Variants in GRIA4 observed in about 807,000 individuals in gnomAD.
GRIA4 encodes glutamate receptor 4.
GRIA4 carries 34 observed loss-of-function variants against 104.0 expected under a neutral mutation model. The ratio of observed to expected loss-of-function variants is 0.33; its 90% confidence interval spans 0.25 to 0.44. GRIA4 has a LOEUF of 0.44. Ranked by LOEUF, GRIA4 falls within the 20% of genes least tolerant of loss-of-function variation. GRIA4 has a pLI of 1.00. For synonymous variants in GRIA4, 386 were observed against 381.9 expected (o/e 1.01, Z -0.13); for missense variants, 750 against 1,096.5 (o/e 0.68, Z 4.46).
intron 3 of GRIA4, among the ~76,000 whole-genome samples, chr11:105,633,398 T>C (rs968254714): frequency 3.9e-5 from 6 of 152,180 alleles, no homozygotes; most frequent in African/African-American, 4.8e-5. Flanking sequence ...GAGGGCAGAG[T>C]CTATATCTAT....
intron 16 of GRIA4, among the ~76,000 whole-genome samples, chr11:105,975,174 G>A (rs1452628799): frequency 6.6e-6 from 1 of 152,086 alleles, no homozygotes; most frequent in East Asian, 1.9e-4. Context: ...GTGATCATCA[G>A]AATTTTGACT....
At chr11:105,659,211 C>T (rs558355955) in intron 3 of GRIA4, among the ~76,000 whole-genome samples, 40 of 152,018 alleles carry the variant, frequency 2.6e-4, no homozygotes, top group East Asian at 2.3e-3. Context: ...TCCAGGTAAA[C>T]TTGTTCTTAT....
chr11:105,712,638 C>T (rs892618768), intron 3 of GRIA4, among the ~76,000 whole-genome samples: 1 of 151,746 alleles, frequency 6.6e-6, no homozygotes, highest in African/African-American at 2.4e-5. Context: ...TTCCTTGTTT[C>T]TTTTACCATG....
chr11:105,689,410 G>T (rs893434499), intron 3 of GRIA4, among the ~76,000 whole-genome samples: 14 of 152,162 alleles, frequency 9.2e-5, no homozygotes, highest in African/African-American at 3.4e-4. Flanking sequence ...ATGATGAGTT[G>T]TGTACGTTTT....
chr11:105,844,700 T>G (rs555306313), intron 4 of GRIA4, among the ~76,000 whole-genome samples: 1 of 152,178 alleles, frequency 6.6e-6, no homozygotes, highest in Non-Finnish European at 1.5e-5. Context: ...TATCTAGAAT[T>G]TTTTATTACC....
intron 4 of GRIA4, chr11:105,797,658 C>T (rs1457354105): frequency 3.3e-6 from 1 of 305,822 alleles, no homozygotes; most frequent in Non-Finnish European, 6.6e-6. Flanking sequence ...CTTAAATCAA[C>T]TTAATCGTGC....
intron 5 of GRIA4, among the ~76,000 whole-genome samples, chr11:105,870,752 T>G (rs1475641432): frequency 1.3e-5 from 2 of 152,110 alleles, no homozygotes; most frequent in African/African-American, 4.8e-5. Context: ...AGGCAGATTA[T>G]GAGTGGCCTC....
chr11:105,857,179 T>C (rs184131956), intron 4 of GRIA4, among the ~76,000 whole-genome samples: 27 of 152,210 alleles, frequency 1.8e-4, no homozygotes, highest in African/African-American at 6.5e-4. Context: ...CCAACCTAAA[T>C]GGTTATTAAA....
rs17104422 is a variant in GRIA4 at position 105,678,329 on chromosome 11, T to A, written c.247+65895T>A. 1.9e-3 allele frequency among the ~76,000 whole-genome samples: 292 copies of A among 152,170 alleles called. 4 individuals are homozygous for A. Among genetic ancestry groups the A allele is most frequent in the Admixed American group, 0.015 (231 of 15,242 alleles). ...CAATGTTTTCCTTCTCACTTAGAAC[T>A]ATAATGCTCCTTACCCATTATCTTC... On this transcript the variant is annotated intron_variant, in intron 3 of 16. Transcript: ENST00000282499.
chr11:105,921,244 C>A (rs1947549656), intron 11 of GRIA4, among the ~76,000 whole-genome samples: 1 of 152,054 alleles, frequency 6.6e-6, no homozygotes, highest in African/African-American at 2.4e-5. Flanking sequence ...CTAAAGCCAG[C>A]TCACCCTGAT....
rs1565345484 is a variant in GRIA4, at chr11:105,924,443, A to T, written c.1521A>T (p.Arg507=). 1.2e-6 allele frequency: 2 copies of T among 1,609,894 alleles called. No homozygotes were observed. The highest frequency in any genetic ancestry group is 4.5e-5 in the East Asian group (2 of 44,808). ...AIAPLTITLV[R]EEVIDFSKPF... ...CCCCTCTGACAATCACTTTGGTACGAGAGGAGGTCATTGACTTTTCTAAGC... is the reference window on the plus strand; with the variant it reads ...CCCCTCTGACAATCACTTTGGTACGTGAGGAGGTCATTGACTTTTCTAAGC... Residue 507 remains arginine (R), a synonymous_variant, in exon 12 of 17, where the codon CGA becomes CGT. Transcript: ENST00000282499.
chr11:105,825,793 G>A (rs1335861796), intron 4 of GRIA4, among the ~76,000 whole-genome samples: 1 of 151,974 alleles, frequency 6.6e-6, no homozygotes, highest in African/African-American at 2.4e-5. Context: ...TCTATTTGTG[G>A]CTCTTTTGAA....
chr11:105,814,773 C>T (rs140000437), intron 4 of GRIA4, among the ~76,000 whole-genome samples: 1 of 152,168 alleles, frequency 6.6e-6, no homozygotes, highest in African/African-American at 2.4e-5. Flanking sequence ...AGCATCTATT[C>T]TCTTACAATC....
chr11:105,690,365 T>G (rs1355342102), intron 3 of GRIA4, among the ~76,000 whole-genome samples: 1 of 152,192 alleles, frequency 6.6e-6, no homozygotes, highest in Non-Finnish European at 1.5e-5. Flanking sequence ...TTTAAGGAAT[T>G]GATAGTGTTT....
intron 5 of GRIA4, among the ~76,000 whole-genome samples, chr11:105,863,880 T>C (rs1455919361): frequency 1.3e-5 from 2 of 152,128 alleles, no homozygotes; most frequent in Non-Finnish European, 2.9e-5. Context: ...AAGAAGAAAA[T>C]TGGCACACCT....
intron 4 of GRIA4, among the ~76,000 whole-genome samples, chr11:105,795,190 G>A (rs1374249319): frequency 1.3e-5 from 2 of 152,108 alleles, no homozygotes; most frequent in African/African-American, 2.4e-5. Flanking sequence ...TCTGAGAAAA[G>A]AACTACAGAC....
chr11:105,658,667 A>G (rs1348297394), intron 3 of GRIA4, among the ~76,000 whole-genome samples: 1 of 151,920 alleles, frequency 6.6e-6, no homozygotes, highest in Non-Finnish European at 1.5e-5. Flanking sequence ...TGGGAGTGAT[A>G]GTTGACATTA....
chr11:105,726,362 G>T (rs1011886765), intron 3 of GRIA4, among the ~76,000 whole-genome samples: 1 of 152,134 alleles, frequency 6.6e-6, no homozygotes, highest in Admixed American at 6.5e-5. Flanking sequence ...TCTGGGCAAG[G>T]CATCTCTGAA....
chr11:105,701,320 G>C (rs912796562), intron 3 of GRIA4, among the ~76,000 whole-genome samples: 3 of 152,152 alleles, frequency 2.0e-5, no homozygotes, highest in African/African-American at 7.2e-5. Context: ...TGTTGAATGA[G>C]TAAGTTCTTG....
Sources: gnomAD v4.1 joint callset for allele counts (sites outside exome capture counted in the v4.1 genomes callset) on GRCh38, gnomAD v4.1.1 for gene constraint, MANE v1.5 for transcripts, NCBI Gene and HGNC (gene_info 2026-07-23, HGNC 2026-07-21) for gene names.